The following PAK1 variants were observed in gnomAD, a reference collection of about 807,000 sequenced individuals.
PAK1 encodes the protein serine/threonine-protein kinase PAK 1.
Under a neutral mutation model 67.4 loss-of-function variants are expected in PAK1, and 29 were observed. The observed-to-expected ratio is 0.43, with a 90% confidence interval of 0.32 to 0.59. The LOEUF is 0.59. Among genes scored for constraint, PAK1 ranks in the 20% least tolerant of loss-of-function variants. PAK1 has a pLI of 0.07. For synonymous variants in PAK1, 223 were observed against 237.4 expected (o/e 0.94, Z 0.56); for missense variants, 337 against 670.7 (o/e 0.50, Z 5.50).
chr11:77,521,681 A>T, the PAK1 span, among the ~76,000 whole-genome samples: 1 of 152,204 alleles, frequency 6.6e-6, no homozygotes, highest in South Asian at 2.1e-4. Context: ...GGTGATAGTT[A>T]TGCTTGCCAA....
chr11:77,479,884 A>G, the PAK1 span, among the ~76,000 whole-genome samples: 1 of 152,156 alleles, frequency 6.6e-6, no homozygotes, highest in African/African-American at 2.4e-5. Context: ...CTGGGATTAC[A>G]GGCATCAACC....
At chr11:77,366,178 C>T (rs1341096173) in intron 5 of PAK1, among the ~76,000 whole-genome samples, 3 of 152,102 alleles carry the variant, frequency 2.0e-5, no homozygotes, top group Non-Finnish European at 2.9e-5. Context: ...GAATTTATTG[C>T]TATCAGACCT....
chr11:77,341,915 CCTGA>C (rs1171614285), intron 10 of PAK1, among the ~76,000 whole-genome samples: 10 of 152,138 alleles, frequency 6.6e-5, no homozygotes, highest in African/African-American at 2.2e-4. Flanking sequence ...TTTTTAATGT[CCTGA>C]CTAATAAACA....
At chr11:77,459,124 AG>A (rs1240789093) in intron 1 of PAK1, among the ~76,000 whole-genome samples, 1 of 152,228 alleles carries the variant, frequency 6.6e-6, no homozygotes, top group Non-Finnish European at 1.5e-5. Context: ...GAGATAGAGT[AG>A]GGTTAGAAGA....
At chr11:77,452,390 TA>T (rs1956898203) in intron 1 of PAK1, among the ~76,000 whole-genome samples, 2 of 152,140 alleles carry the variant, frequency 1.3e-5, no homozygotes, top group African/African-American at 2.4e-5. Flanking sequence ...AGAGGTGTAG[TA>T]AAAATATACT....
intron 8 of PAK1, among the ~76,000 whole-genome samples, chr11:77,350,988 T>C (rs1945157970): frequency 6.6e-6 from 1 of 152,182 alleles, no homozygotes; most frequent in South Asian, 2.1e-4. Flanking sequence ...TACAAAGTTG[T>C]AGAAAGCTAC....
chr11:77,345,314 A>C (rs138319972), intron 9 of PAK1, among the ~76,000 whole-genome samples: 1 of 139,416 alleles, frequency 7.2e-6, no homozygotes, highest in East Asian at 2.0e-4. Flanking sequence ...AGTAGGTTGG[A>C]AAGTACTTTG....
chr11:77,508,659 CTTTTT>C, the PAK1 span, among the ~76,000 whole-genome samples: 3 of 114,766 alleles, frequency 2.6e-5, no homozygotes, highest in African/African-American at 3.2e-5. Flanking sequence ...CATAGAGATT[CTTTTT>C]TTTTTTTTTT....
chr11:77,506,203 G>C, the PAK1 span, among the ~76,000 whole-genome samples: 1 of 152,218 alleles, frequency 6.6e-6, no homozygotes, highest in Non-Finnish European at 1.5e-5. Context: ...CCCTGTAAGA[G>C]AGAAAACCAG....
chr11:77,324,172 CTTTTTTTTTT>C (rs11324143), intron 14 of PAK1, among the ~76,000 whole-genome samples: 1 of 127,462 alleles, frequency 7.8e-6, no homozygotes, highest in African/African-American at 3.1e-5. Context: ...AAAGCAATTC[CTTTTTTTTTT>C]TTTTTTTTGA....
chr11:77,478,576 C>T (rs1958084214), upstream of PAK1, among the ~76,000 whole-genome samples: 3 of 151,514 alleles, frequency 2.0e-5, no homozygotes, highest in Admixed American at 2.0e-4. Context: ...AGTTCAAGAC[C>T]AGCCTGGGCA....
At chr11:77,398,602 G>T (rs894373222) in intron 1 of PAK1, among the ~76,000 whole-genome samples, 2 of 152,168 alleles carry the variant, frequency 1.3e-5, no homozygotes, top group African/African-American at 4.8e-5. Context: ...CACTGTGATT[G>T]CTTCCAAATC....
chr11:77,327,722 C>T (rs375013140), intron 14 of PAK1, among the ~76,000 whole-genome samples: 4,409 of 143,850 alleles, frequency 0.031, 193 homozygotes, highest in African/African-American at 0.11. Flanking sequence ...AGAAACTGCA[C>T]CAACTAACGA....
intron 1 of PAK1, among the ~76,000 whole-genome samples, chr11:77,443,217 A>G (rs1443353416): frequency 6.6e-6 from 1 of 150,792 alleles, no homozygotes; most frequent in Non-Finnish European, 1.5e-5. Flanking sequence ...CAGGATGCTG[A>G]GGCAGGAGAA....
upstream of PAK1, chr11:77,475,312 C>T (rs1958043062): frequency 6.6e-6 from 1 of 152,218 alleles, no homozygotes; most frequent in South Asian, 2.1e-4. Flanking sequence ...TCGTCTTCTA[C>T]TACCACCACC....
In PAK1 at chr11:77,323,075, C is replaced by A. The variant is rs1165560376; in HGVS notation, c.*199G>T. Reference sequence around the variant, plus strand: ...AGGAAATTCCTTATTTAGAAATGGCCATCATCTGATTAGTCATTCAGTTGC... The same window carrying A: ...AGGAAATTCCTTATTTAGAAATGGCAATCATCTGATTAGTCATTCAGTTGC... On this transcript the variant is annotated 3_prime_UTR_variant, in exon 15 of 15. Transcript: ENST00000356341. 1.1e-6 allele frequency: 1 copy of A among 934,516 alleles called. No homozygotes were observed. Among genetic ancestry groups the A allele is most frequent in the African/African-American group, 1.6e-5 (1 of 61,452 alleles). 57.9% of individuals were successfully genotyped at this position (934,516 alleles called of 1,614,324 possible).
intron 1 of PAK1, among the ~76,000 whole-genome samples, 186 bp from the exon 2 acceptor site, chr11:77,392,727 C>G (rs1457138411): frequency 6.6e-6 from 1 of 152,202 alleles, no homozygotes; most frequent in Non-Finnish European, 1.5e-5. Context: ...ATGCCAAGCA[C>G]TAATGAAAAA....
rs560361809 is a variant in PAK1, at chr11:77,335,408, A to G, written c.1413+678T>C. 3.9e-5 allele frequency among the ~76,000 whole-genome samples: 6 copies of G among 152,326 alleles called. No homozygotes were observed. The East Asian group carries it at 1.2e-3, about 29-fold the overall frequency. ...CAACTCTTTATTACCCAACTTAAGT[A>G]TGCTCTTCACCATTTCAACAGATGG... On this transcript the variant is annotated intron_variant, in intron 13 of 14. Transcript: ENST00000356341.
At chr11:77,385,060 T>G (rs1950284757) in intron 2 of PAK1, among the ~76,000 whole-genome samples, 1 of 152,148 alleles carries the variant, frequency 6.6e-6, no homozygotes, top group African/African-American at 2.4e-5. Flanking sequence ...TACAAGGGAA[T>G]TTACTTAATC....
Sources: gnomAD v4.1 joint callset for allele counts (sites outside exome capture counted in the v4.1 genomes callset) on GRCh38, gnomAD v4.1.1 for gene constraint, MANE v1.5 for transcripts, NCBI Gene and HGNC (gene_info 2026-07-23, HGNC 2026-07-21) for gene names.